The following LRRC71 variants were observed in gnomAD, a reference collection of about 807,000 sequenced individuals.
The protein encoded by LRRC71 is leucine-rich repeat-containing protein 71.
LRRC71 carries 54 observed loss-of-function variants against 66.6 expected under a neutral mutation model. The ratio of observed to expected loss-of-function variants is 0.81; its 90% CI spans 0.65 to 1.02. The LOEUF is 1.02. LRRC71 is among the 50% of genes least tolerant of loss of function. The pLI, the probability that LRRC71 is intolerant of heterozygous loss-of-function variation, is 0.00. For synonymous variants in LRRC71, 323 were observed against 303.9 expected (o/e 1.06, Z -0.65); for missense variants, 724 against 718.0 (o/e 1.01, Z -0.10).
At position 156,931,806 on chromosome 1, in the gene LRRC71, C is replaced by T. The variant is rs372683641; in HGVS notation, c.1330-110C>T. 1.2e-5 allele frequency: 10 copies of T among 849,084 alleles called. No individual in the cohort carries two copies. In the South Asian group the frequency reaches 1.4e-4, roughly 12 times the overall value. The allele number at this position is 849,084 out of a possible 1,614,324, so 52.6% of individuals were successfully genotyped here. ...TGTATCCCCAGCACTTGGGACAAAG[C>T]CTGGACTATAGCCGGCAGTCAAAAC... On this transcript the variant is annotated intron_variant, in intron 12 of 14. Transcript: ENST00000337428.
chr1:156,934,365 G>A (rs822434), downstream of LRRC71, among the ~76,000 whole-genome samples: 10,485 of 152,170 alleles, frequency 0.069, 1,183 homozygotes, highest in African/African-American at 0.23. Context: ...TGATGTGGCT[G>A]CGTCTGTGGG....
rs1652900661 is a variant in LRRC71, at chr1:156,924,568, C to T, written c.439+16C>T. On this transcript the variant is annotated intron_variant, in intron 3 of 14. Coordinates refer to ENST00000337428, the MANE Select transcript of LRRC71 (RefSeq NM_144702.3). ...TACATCCGCGGTGAGCCCCGCTCCC[C>T]CCACCCGCCCCAGCTCCCTCCCGCT... 13 of 1,551,542 alleles carry T rather than the reference C, an allele frequency of 8.4e-6. No homozygotes were observed. Among genetic ancestry groups the T allele is most frequent in the Non-Finnish European group, 1.0e-5 (12 of 1,146,888 alleles).
At chr1:156,926,007 G>T (rs1390963195) in intron 5 of LRRC71, among the ~76,000 whole-genome samples, 1 of 152,240 alleles carries the variant, frequency 6.6e-6, no homozygotes. Flanking sequence ...TGACAGACGA[G>T]GCAGGCTGAA....
the LRRC71 span, chr1:156,939,524 ACTGGACACTCC>A: frequency 2.5e-6 from 4 of 1,606,392 alleles, no homozygotes; most frequent in Non-Finnish European, 3.4e-6. Flanking sequence ...TTGTCTCCCC[ACTGGACACTCC>A]CATTTATTTT....
chr1:156,940,071 T>C, the LRRC71 span: 2 of 1,402,424 alleles, frequency 1.4e-6, no homozygotes, highest in Non-Finnish European at 1.9e-6. Flanking sequence ...GGGAATGACA[T>C]CTGTCTCCGC....
At chr1:156,928,466 T>TCTCTTCTTCCTCTTCCTCCTCCTC (rs1653720295) in intron 9 of LRRC71, among the ~76,000 whole-genome samples, 1 of 138,022 alleles carries the variant, frequency 7.2e-6, no homozygotes, top group African/African-American at 2.9e-5. Context: ...TTCTCCTTCT[T>TCTCTTCTTCCTCTTCCTCCTCCTC]CTCTTCTTCC....
intron 1 of LRRC71, among the ~76,000 whole-genome samples, chr1:156,922,090 C>CCAGCTGGA (rs1205859204): frequency 6.6e-6 from 1 of 152,034 alleles, no homozygotes; most frequent in East Asian, 1.9e-4. Context: ...AGGGGTGATG[C>CCAGCTGGA]CAGCTGGACA....
In LRRC71 at chr1:156,924,564, T is replaced by TACCCCCCC; in HGVS notation, c.439+12_439+13insACCCCCCC. The TACCCCCCC allele has an allele frequency of 6.5e-7, 1 of 1,531,802 alleles. No individual in the cohort carries two copies. Among genetic ancestry groups the TACCCCCCC allele is most frequent in the Non-Finnish European group, 8.8e-7 (1 of 1,131,912 alleles). 94.9% of individuals were successfully genotyped at this position (1,531,802 alleles called of 1,614,324 possible). A position where few individuals can be genotyped will look rare whatever the true frequency, so the allele number is the denominator to read the frequency against. ...AATCTACATCCGCGGTGAGCCCCGC[T>TACCCCCCC]CCCCCCACCCGCCCCAGCTCCCTCC... On this transcript the variant is annotated intron_variant, in intron 3 of 14. Coordinates refer to ENST00000337428, the MANE Select transcript of LRRC71 (RefSeq NM_144702.3).
At chr1:156,932,260 TGTGA>T (rs892782629) in intron 13 of LRRC71, 160 bp from the exon 14 acceptor site, 38 of 672,404 alleles carry the variant, frequency 5.7e-5, no homozygotes, top group South Asian at 7.3e-5. Context: ...ATGGGGAGTG[TGTGA>T]GTAAGAGCTG....
At chr1:156,939,493 T>A in the LRRC71 span, 1 of 1,600,136 alleles carries the variant, frequency 6.2e-7, no homozygotes, top group Non-Finnish European at 8.5e-7. Context: ...TCGGAAGACT[T>A]ATCTCACCTA....
At chr1:156,925,364 C>A (rs1281110124) in intron 5 of LRRC71, among the ~76,000 whole-genome samples, 1 of 152,204 alleles carries the variant, frequency 6.6e-6, no homozygotes, top group Non-Finnish European at 1.5e-5. Context: ...AGAAACAGTT[C>A]TTATCCTCCA....
In LRRC71 at chr1:156,929,293, G is replaced by T. The variant is rs755189599; in HGVS notation, c.1010G>T (p.Arg337Leu). The change falls in exon 10 of 15, where the codon CGA (arginine) becomes CTA (leucine). Residue 337 changes from arginine (R) to leucine (L), a missense_variant. Transcript: ENST00000337428. ...TTGTGAGCACAGCCCTCCTCCTCTC[G>T]ACACGGGGACTCCAAAACGGACCGT... Reference protein sequence around the residue: ...QERSRSPSSSRHGDSKTDREK... With the variant: ...QERSRSPSSSLHGDSKTDREK... 3 of 1,605,188 alleles carry T rather than the reference G, an allele frequency of 1.9e-6. No individual in the cohort carries two copies. The highest frequency in any genetic ancestry group is 2.6e-6 in the Non-Finnish European group (3 of 1,175,738).
chr1:156,925,652 G>C (rs903293664), intron 5 of LRRC71, among the ~76,000 whole-genome samples: 20 of 152,356 alleles, frequency 1.3e-4, no homozygotes, highest in African/African-American at 4.6e-4. Flanking sequence ...GGTAACTACA[G>C]GTGTGGTTGG....
intron 14 of LRRC71, 60 bp downstream of exon 14, chr1:156,932,605 A>G: frequency 6.2e-7 from 1 of 1,613,844 alleles, no homozygotes; most frequent in East Asian, 2.2e-5. Context: ...CTGTCATACT[A>G]GACAGCTGCT....
At chr1:156,924,867 G>T (rs1180033310) in intron 4 of LRRC71, 71 bp from the exon 5 acceptor site, 1 of 1,524,044 alleles carries the variant, frequency 6.6e-7, no homozygotes, top group Non-Finnish European at 8.9e-7. Context: ...CTGGGAGAAC[G>T]GTGTGGGGAG....
chr1:156,930,949 A>T (rs769310698), intron 12 of LRRC71, among the ~76,000 whole-genome samples: 5 of 151,462 alleles, frequency 3.3e-5, no homozygotes, highest in Non-Finnish European at 5.9e-5. Context: ...CCTCATCACC[A>T]CCTCCATCAC....
rs1652219483 is a variant in LRRC71, at chr1:156,920,654, A to G, written c.-150A>G. 3.1e-6 allele frequency: 3 copies of G among 981,860 alleles called. No homozygotes were observed. The highest frequency in any genetic ancestry group is 4.1e-6 in the Non-Finnish European group (3 of 739,362). The allele number at this position is 981,860 out of a possible 1,614,324, so 60.8% of individuals were successfully genotyped here. A position where few individuals can be genotyped will look rare whatever the true frequency, so the allele number is the denominator to read the frequency against. On this transcript the variant is annotated 5_prime_UTR_variant, in exon 1 of 15. Coordinates refer to ENST00000337428, the MANE Select transcript of LRRC71 (RefSeq NM_144702.3). This position sits in a 1 kb window ranked among gnomAD's most constrained non-coding sequence, Gnocchi z 4.9. ...GCGGTTGTCTTGGAGAGGGACGCGT[A>G]GGCTACGCCACCGCGGACGGGTCGG... is the stretch of plus-strand genomic sequence containing the variant.
downstream of LRRC71, among the ~76,000 whole-genome samples, chr1:156,934,167 T>G (rs994547970): frequency 2.0e-5 from 3 of 152,192 alleles, no homozygotes; most frequent in Non-Finnish European, 4.4e-5. Context: ...GCCCATATCT[T>G]TATCCCACCC....
downstream of LRRC71, chr1:156,936,738 T>C (rs1655444953): frequency 6.8e-7 from 1 of 1,468,434 alleles, no homozygotes. Context: ...CATCTCTCAC[T>C]GCTTAGTGAT....
Sources: allele counts gnomAD v4.1 joint callset (sites outside exome capture counted in the v4.1 genomes callset), GRCh38; gene constraint gnomAD v4.1.1; non-coding constraint Gnocchi (gnomAD v3.1); transcripts MANE v1.5; gene names NCBI Gene and HGNC (gene_info 2026-07-23, HGNC 2026-07-21).